KAZN: variants seen among roughly 807,000 people sequenced by gnomAD.
KAZN encodes the protein kazrin.
KAZN carries 40 observed loss-of-function variants against 87.4 expected under a neutral mutation model. That is an observed-to-expected ratio of 0.46 (90% CI 0.36 to 0.60). The LOEUF (loss-of-function observed/expected upper bound fraction) is 0.60, where lower values mean the gene tolerates loss of function less well. KAZN is among the 20% of genes least tolerant of loss of function. KAZN has a pLI of 0.00. For synonymous variants in KAZN, 466 were observed against 458.3 expected, an observed-to-expected ratio of 1.02 and a Z score of -0.22; for missense variants, 898 against 1,073.9, an observed-to-expected ratio of 0.84 and a Z score of 2.29.
intron 2 of KAZN, among the ~76,000 whole-genome samples, chr1:14,472,583 C>T (rs1668511978): frequency 2.0e-5 from 3 of 151,986 alleles, no homozygotes; most frequent in Admixed American, 6.6e-5. Context: ...CCACACATAC[C>T]TGGAAGTAGC....
At chr1:14,611,497 G>A (rs1464273726) in intron 1 of KAZN, among the ~76,000 whole-genome samples, 2 of 152,054 alleles carry the variant, frequency 1.3e-5, no homozygotes, top group Non-Finnish European at 2.9e-5. Flanking sequence ...GATCAGCCTG[G>A]CCAGTATAGT....
At chr1:14,384,197 A>G (rs1013212529) in intron 2 of KAZN, among the ~76,000 whole-genome samples, 7 of 151,638 alleles carry the variant, frequency 4.6e-5, no homozygotes, top group Non-Finnish European at 7.4e-5. Flanking sequence ...GTTGCTTATC[A>G]GCTTAAGGAG....
At chr1:14,439,893 G>C (rs1191764409) in intron 2 of KAZN, among the ~76,000 whole-genome samples, 1 of 152,078 alleles carries the variant, frequency 6.6e-6, no homozygotes, top group Non-Finnish European at 1.5e-5. Context: ...CTTCCCGGAG[G>C]GTCCTTCTTC....
rs540561352 is a variant in KAZN, at chr1:13,947,001, C to A, written c.91+53245C>A. On this transcript the variant is annotated intron_variant, in intron 1 of 16. Transcript: ENST00000636203. ...GGGGAGAATCCGTTCCTTGCCTCTT[C>A]CAGCTTCTGGTGGCTGTCCCATTCC... Among the ~76,000 whole-genome samples the A allele has an allele frequency of 5.9e-5, 9 of 152,300 alleles. No homozygotes were observed. In the South Asian group the frequency reaches 1.9e-3, roughly 32 times the overall value.
chr1:14,301,170 G>A (rs925810185), intron 2 of KAZN, among the ~76,000 whole-genome samples: 10 of 152,166 alleles, frequency 6.6e-5, no homozygotes, highest in Non-Finnish European at 1.3e-4. Context: ...TCACAAAGCT[G>A]GGCTTAGCAT....
rs112017537 is a variant in KAZN, at chr1:15,090,976, A to G, written c.1223-3204A>G. Among the ~76,000 whole-genome samples the G allele has an allele frequency of 2.8e-3, 425 of 152,282 alleles. 4 individuals carry two copies. Among genetic ancestry groups the G allele is most frequent in the African/African-American group, 9.5e-3 (396 of 41,536 alleles). On this transcript the variant is annotated intron_variant, in intron 8 of 14. Transcript: ENST00000376030. ...CCCTCAAGGAGTTTAAAATGGAGAG[A>G]GGGAAGGCCTTGTGGGGAGGGGGTT... is the stretch of plus-strand genomic sequence containing the variant.
rs1406438170 is a variant in KAZN at position 14,290,668 on chromosome 1, G to A, written c.249+110076G>A. Among the ~76,000 whole-genome samples the A allele has an allele frequency of 2.0e-5, 3 of 152,158 alleles. No homozygotes were observed. The South Asian group carries it at 6.2e-4, about 31-fold the overall frequency. ...AGTTTGTTATTACCGACCTTGTGAA[G>A]CCTACTTCTGTCAGCTTGTCAAAGT... On this transcript the variant is annotated intron_variant, in intron 2 of 16. Coordinates refer to the KAZN transcript ENST00000636203.
intron 2 of KAZN, among the ~76,000 whole-genome samples, chr1:14,297,463 G>A (rs1654213211): frequency 1.3e-5 from 2 of 152,172 alleles, no homozygotes; most frequent in Admixed American, 1.3e-4. Flanking sequence ...AGCCTCTGCG[G>A]TAGAGACAGG....
At chr1:13,907,236 A>G (rs1207601990) in intron 1 of KAZN, among the ~76,000 whole-genome samples, 1 of 152,208 alleles carries the variant, frequency 6.6e-6, no homozygotes, top group Non-Finnish European at 1.5e-5. Flanking sequence ...CTCCAGGACT[A>G]GAGTCCCACT....
chr1:13,895,684 A>G (rs181145950), intron 1 of KAZN, among the ~76,000 whole-genome samples: 1 of 152,330 alleles, frequency 6.6e-6, no homozygotes, highest in African/African-American at 2.4e-5. Context: ...TCTTAAGTGT[A>G]TGTGAAAATG....
intron 1 of KAZN, among the ~76,000 whole-genome samples, chr1:14,098,535 G>A (rs1465710632): frequency 6.6e-6 from 1 of 152,158 alleles, no homozygotes; most frequent in African/African-American, 2.4e-5. Context: ...GGGCAACCAG[G>A]GTGTTTGAGG....
At chr1:14,442,845 T>A (rs1443361185) in intron 2 of KAZN, among the ~76,000 whole-genome samples, 1 of 152,262 alleles carries the variant, frequency 6.6e-6, no homozygotes, top group South Asian at 2.1e-4. Flanking sequence ...ATTGCCGCCT[T>A]GTGGCAGTTT....
intron 3 of KAZN, among the ~76,000 whole-genome samples, chr1:15,037,472 C>T (rs1210737663): frequency 1.3e-5 from 2 of 152,208 alleles, no homozygotes; most frequent in Admixed American, 6.5e-5. Context: ...CGGTCTCAGC[C>T]TTCACATCTG....
chr1:15,003,073 G>T (rs1020394602), intron 2 of KAZN, among the ~76,000 whole-genome samples: 1 of 151,640 alleles, frequency 6.6e-6, no homozygotes, highest in African/African-American at 2.4e-5. Context: ...CGACAGAAGG[G>T]CACAGACAGG....
At chr1:14,248,999 A>G (rs969441714) in intron 2 of KAZN, among the ~76,000 whole-genome samples, 1 of 152,212 alleles carries the variant, frequency 6.6e-6, no homozygotes, top group African/African-American at 2.4e-5. Context: ...CTAAGCCCCC[A>G]GCCTTTGTAT....
chr1:14,615,370 G>A, intron 1 of KAZN, among the ~76,000 whole-genome samples: 1 of 152,170 alleles, frequency 6.6e-6, no homozygotes, highest in East Asian at 1.9e-4. Flanking sequence ...CTCAACACCT[G>A]TAATCCTAGT....
At chr1:14,039,790 A>G (rs1361684129) in intron 1 of KAZN, among the ~76,000 whole-genome samples, 1 of 152,206 alleles carries the variant, frequency 6.6e-6, no homozygotes, top group African/African-American at 2.4e-5. Context: ...CGACCTCTCC[A>G]GCCCTCTTCC....
intron 1 of KAZN, among the ~76,000 whole-genome samples, chr1:14,156,901 TG>T (rs988292386): frequency 6.8e-6 from 1 of 146,558 alleles, no homozygotes; most frequent in Non-Finnish European, 1.5e-5. Context: ...GGTTGTTTTG[TG>T]GTCTTTTGTT....
intron 6 of KAZN, 115 bp downstream of exon 6, chr1:15,060,417 T>C: frequency 7.5e-7 from 1 of 1,334,934 alleles, no homozygotes; most frequent in Non-Finnish European, 1.1e-6. Flanking sequence ...CAGGGAGCAC[T>C]CTGGCGAATG....
Sources: allele counts gnomAD v4.1 joint callset (sites outside exome capture counted in the v4.1 genomes callset), GRCh38; gene constraint gnomAD v4.1.1; transcripts MANE v1.5; gene names NCBI Gene and HGNC (gene_info 2026-07-23, HGNC 2026-07-21).